PDE4D: variants seen among roughly 807,000 people sequenced by gnomAD.
PDE4D encodes phosphodiesterase 4D.
PDE4D carries 24 observed loss-of-function variants against 87.4 expected under a neutral mutation model. The observed-to-expected ratio is 0.27, with a 90% CI of 0.20 to 0.39. The LOEUF is 0.39. Among genes scored for constraint, PDE4D ranks in the 10% least tolerant of loss-of-function variants. PDE4D has a pLI of 1.00. For synonymous variants in PDE4D, 384 were observed against 383.2 expected (o/e 1.00, Z -0.02); for missense variants, 714 against 1,041.0 (o/e 0.69, Z 4.32).
intron 1 of PDE4D, among the ~76,000 whole-genome samples, chr5:59,419,875 C>T (rs912659397): frequency 6.6e-6 from 1 of 152,182 alleles, no homozygotes; most frequent in East Asian, 1.9e-4. Context: ...CCGTGGAGAA[C>T]CCCTTGAATC....
intron 1 of PDE4D, among the ~76,000 whole-genome samples, chr5:60,505,476 C>G (rs1035066970): frequency 6.6e-6 from 1 of 152,178 alleles, no homozygotes; most frequent in African/African-American, 2.4e-5. Flanking sequence ...TATCAACGTA[C>G]GTTCTTCTCC....
intron 1 of PDE4D, among the ~76,000 whole-genome samples, chr5:59,391,746 T>C (rs761434953): frequency 2.6e-5 from 4 of 152,008 alleles, no homozygotes; most frequent in Non-Finnish European, 4.4e-5. Flanking sequence ...CCCTCCATGA[T>C]GGCAGGAGGA....
chr5:59,895,134 G>A (rs1315104310), upstream of PDE4D, among the ~76,000 whole-genome samples: 1 of 152,152 alleles, frequency 6.6e-6, no homozygotes, highest in Non-Finnish European at 1.5e-5. Context: ...ATGGATGCTA[G>A]AGTACCAGAA....
chr5:59,721,145 C>T lies in PDE4D; in HGVS notation c.455+172023G>A, dbSNP rs192714703. On this transcript the variant is annotated intron_variant, in intron 1 of 14. Coordinates refer to ENST00000340635, the MANE Select transcript of PDE4D (RefSeq NM_001104631.2). ...CTTGTCTATTTTTCTCAGTTTAGAT[C>T]GAGTTTAGCACCTAGTGAATCTTAT... 1.6e-4 allele frequency among the ~76,000 whole-genome samples: 24 copies of T among 152,204 alleles called. No homozygotes were observed. The East Asian group carries it at 3.5e-3, about 22-fold the overall frequency.
Position 58,970,960 on chromosome 5 carries a change from G to A in PDE4D, c.*3704C>T, listed in dbSNP as rs1742506193. The A allele has an allele frequency of 6.6e-6, 1 of 150,908 alleles. No individual in the cohort carries two copies. The highest frequency in any genetic ancestry group is 1.5e-5 in the Non-Finnish European group (1 of 67,828). 9.3% of individuals were successfully genotyped at this position (150,908 alleles called of 1,614,324 possible). A position where few individuals can be genotyped will look rare whatever the true frequency, so the allele number is the denominator to read the frequency against. On this transcript the variant is annotated 3_prime_UTR_variant, in exon 15 of 15. Transcript: ENST00000340635. The stretch of plus-strand genomic sequence containing the variant: ...AATGCAAGTAGCTGAAGTAGTTCCT[G>A]ATCAACAGATGGCAAACAACCATCA...
intron 3 of PDE4D, among the ~76,000 whole-genome samples, chr5:59,978,689 G>A (rs965469580): frequency 6.6e-6 from 1 of 152,172 alleles, no homozygotes; most frequent in Non-Finnish European, 1.5e-5. Flanking sequence ...TCTACTATGG[G>A]TAAAATGCTG....
chr5:60,141,336 G>C (rs1026401498), intron 2 of PDE4D, among the ~76,000 whole-genome samples: 4 of 150,208 alleles, frequency 2.7e-5, no homozygotes, highest in African/African-American at 1.0e-4. Flanking sequence ...AGGATGCAGA[G>C]AGCAAGCTTT....
intron 3 of PDE4D, among the ~76,000 whole-genome samples, chr5:59,915,628 C>T (rs893180448): frequency 6.6e-6 from 1 of 152,124 alleles, no homozygotes; most frequent in African/African-American, 2.4e-5. Flanking sequence ...TTCTTGTATT[C>T]TTCACAATAA....
intron 1 of PDE4D, among the ~76,000 whole-genome samples, chr5:59,669,236 C>T (rs1746763363): frequency 6.6e-6 from 1 of 152,072 alleles, no homozygotes; most frequent in Non-Finnish European, 1.5e-5. Context: ...CTCAGCCTCC[C>T]AAAAGTAGCT....
chr5:59,520,864 TAC>T (rs572752099), intron 1 of PDE4D, among the ~76,000 whole-genome samples: 17 of 149,880 alleles, frequency 1.1e-4, no homozygotes, highest in South Asian at 6.3e-4. Flanking sequence ...TATGCACACA[TAC>T]ACACACACAT....
intron 2 of PDE4D, among the ~76,000 whole-genome samples, chr5:60,163,861 C>T (rs981221815): frequency 8.5e-5 from 13 of 152,102 alleles, no homozygotes; most frequent in African/African-American, 3.1e-4. Context: ...AAGAAGAAGC[C>T]TGGCCCACTA....
At chr5:59,640,184 T>C (rs1741338385) in intron 1 of PDE4D, among the ~76,000 whole-genome samples, 1 of 152,194 alleles carries the variant, frequency 6.6e-6, no homozygotes, top group Non-Finnish European at 1.5e-5. Context: ...ATTTTTACCA[T>C]AACCTTGGAA....
At chr5:59,170,089 G>T (rs889067508) in intron 5 of PDE4D, among the ~76,000 whole-genome samples, 2 of 152,144 alleles carry the variant, frequency 1.3e-5, no homozygotes, top group African/African-American at 4.8e-5. Context: ...AGAGTGCAGT[G>T]GCATGATCAT....
intron 1 of PDE4D, among the ~76,000 whole-genome samples, chr5:60,391,627 C>A (rs1302743565): frequency 6.6e-6 from 1 of 152,202 alleles, no homozygotes; most frequent in African/African-American, 2.4e-5. Flanking sequence ...ACAATTCCCT[C>A]TCTTTTCCTG....
At chr5:60,167,583 T>G (rs1403473690) in intron 2 of PDE4D, among the ~76,000 whole-genome samples, 1 of 152,202 alleles carries the variant, frequency 6.6e-6, no homozygotes, top group Non-Finnish European at 1.5e-5. Context: ...TTCTGCTTGA[T>G]CAAGTCTGCT....
At chr5:59,149,916 T>C (rs144410638) in intron 5 of PDE4D, among the ~76,000 whole-genome samples, 1,600 of 152,156 alleles carry the variant, frequency 0.011, 11 homozygotes, top group Non-Finnish European at 0.017. Context: ...TAATCCTGAT[T>C]CAGGGTGTTT....
intron 1 of PDE4D, among the ~76,000 whole-genome samples, chr5:60,412,269 G>A (rs1410941012): frequency 6.6e-6 from 1 of 152,118 alleles, no homozygotes; most frequent in African/African-American, 2.4e-5. Flanking sequence ...ACAGCCAAGG[G>A]AGACTGAGAC....
chr5:60,046,112 T>C (rs1391612896), intron 2 of PDE4D, among the ~76,000 whole-genome samples: 1 of 152,230 alleles, frequency 6.6e-6, no homozygotes, highest in Non-Finnish European at 1.5e-5. Context: ...CTAGGTATTT[T>C]ATTCTCTTTG....
At chr5:59,548,304 T>C (rs748960652) in intron 1 of PDE4D, among the ~76,000 whole-genome samples, 10 of 152,210 alleles carry the variant, frequency 6.6e-5, no homozygotes, top group Non-Finnish European at 1.2e-4. Flanking sequence ...AAGTTCACTC[T>C]TGCTTACTTA....
Sources: gnomAD v4.1 joint callset for allele counts (sites outside exome capture counted in the v4.1 genomes callset) on GRCh38, gnomAD v4.1.1 for gene constraint, MANE v1.5 for transcripts, NCBI Gene and HGNC (gene_info 2026-07-23, HGNC 2026-07-21) for gene names.